RYR2: variants seen among roughly 807,000 people sequenced by gnomAD.
RYR2 encodes the protein cardiac muscle ryanodine receptor-calcium release channel.
In RYR2, 227 loss-of-function variants were observed where a neutral mutation model predicts 601.1. The ratio of observed to expected loss-of-function variants is 0.38; its 90% CI spans 0.34 to 0.42. The LOEUF (loss-of-function observed/expected upper bound fraction) is 0.42, where lower values mean the gene tolerates loss of function less well. RYR2 is among the 10% of genes least tolerant of loss of function. The pLI, the probability that RYR2 is intolerant of heterozygous loss-of-function variation, is 1.00. For missense variants in RYR2, 4,646 were observed against 6,156.5 expected (o/e 0.75, Z 8.21); for synonymous variants, 2,223 against 2,175.1 (o/e 1.02, Z -0.61).
At chr1:237,058,416 TG>T (rs1281810772) in intron 1 of RYR2, among the ~76,000 whole-genome samples, 2 of 152,154 alleles carry the variant, frequency 1.3e-5, no homozygotes, top group African/African-American at 4.8e-5. Flanking sequence ...ACATATAATT[TG>T]TTGCTTGCAA....
intron 23 of RYR2, among the ~76,000 whole-genome samples, chr1:237,508,755 TTTTTTGA>T: frequency 7.1e-6 from 1 of 140,112 alleles, no homozygotes; most frequent in African/African-American, 2.7e-5. Flanking sequence ...TTTTTTTTTT[TTTTTTGA>T]GACGGAGTCT....
intron 17 of RYR2, among the ~76,000 whole-genome samples, chr1:237,475,151 T>A (rs1661261209): frequency 6.6e-6 from 1 of 152,226 alleles, no homozygotes; most frequent in Non-Finnish European, 1.5e-5. Context: ...ATGAAGGGAC[T>A]AAGGCTCAGA....
rs1668723037 is a variant in RYR2, at chr1:237,106,733, T to C, written c.48+64164T>C. Among the ~76,000 whole-genome samples the C allele has an allele frequency of 6.6e-6, 1 of 152,204 alleles. No individual in the cohort carries two copies. The highest frequency in any genetic ancestry group is 2.1e-4 in the South Asian group (1 of 4,836). ...AACAAAATGCCATGGACTGGGAGGC[T>C]TAGAAACCACAGAAATTATTCCTCA... is the stretch of plus-strand genomic sequence containing the variant. On this transcript the variant is annotated intron_variant, in intron 1 of 104. Coordinates refer to ENST00000366574, the MANE Select transcript of RYR2 (RefSeq NM_001035.3). This position sits in a 1 kb window ranked among gnomAD's most constrained non-coding sequence, Gnocchi z 4.4.
chr1:237,477,715 GTGTGGGTC>G (rs1454255127), intron 17 of RYR2, among the ~76,000 whole-genome samples: 1 of 152,196 alleles, frequency 6.6e-6, no homozygotes, highest in African/African-American at 2.4e-5. Context: ...TAAAGCCTCT[GTGTGGGTC>G]TGAGTTCAGA....
chr1:237,302,337 A>G (rs900943395), intron 2 of RYR2, among the ~76,000 whole-genome samples: 35 of 152,336 alleles, frequency 2.3e-4, no homozygotes, highest in African/African-American at 7.7e-4. Flanking sequence ...TAGGAAACAT[A>G]CGAGTGCGAC....
At chr1:237,781,507 G>A (rs938001289) in intron 88 of RYR2, 58 bp from the exon 89 acceptor site, 19 of 826,888 alleles carry the variant, frequency 2.3e-5, no homozygotes, top group Non-Finnish European at 3.9e-5. Flanking sequence ...GAATAAGTAT[G>A]ATGTTCCTGC....
chr1:237,744,389 C>G (rs1691883648), intron 80 of RYR2, among the ~76,000 whole-genome samples: 1 of 150,002 alleles, frequency 6.7e-6, no homozygotes, highest in African/African-American at 2.4e-5. Context: ...GGTGCAGAGG[C>G]TTACGCTTGT....
chr1:237,285,713 G>T (rs138047354), intron 2 of RYR2, among the ~76,000 whole-genome samples: 1 of 152,062 alleles, frequency 6.6e-6, no homozygotes, highest in Non-Finnish European at 1.5e-5. Flanking sequence ...GCTTGTTATT[G>T]GTCTGTTCAG....
At chr1:237,570,479 C>T (rs1221717822) in intron 29 of RYR2, among the ~76,000 whole-genome samples, 2 of 151,694 alleles carry the variant, frequency 1.3e-5, no homozygotes, top group Admixed American at 1.3e-4. Context: ...GCTGGGATTA[C>T]AGGTGCTTAC....
intron 1 of RYR2, among the ~76,000 whole-genome samples, chr1:237,134,319 TAATC>T (rs1442450688): frequency 1.3e-5 from 2 of 152,178 alleles, no homozygotes; most frequent in African/African-American, 4.8e-5. Flanking sequence ...TTCATGCTGT[TAATC>T]AAGACATACC....
At chr1:237,221,800 T>C (rs2149141201) in intron 1 of RYR2, among the ~76,000 whole-genome samples, 1 of 152,278 alleles carries the variant, frequency 6.6e-6, no homozygotes, top group East Asian at 1.9e-4. Flanking sequence ...TCAACACAGA[T>C]TTCTTTTCCA....
intron 1 of RYR2, among the ~76,000 whole-genome samples, chr1:237,232,566 TC>T (rs1685112167): frequency 6.6e-6 from 1 of 152,162 alleles, no homozygotes; most frequent in East Asian, 1.9e-4. Context: ...TCTCTGAGTT[TC>T]GTGAGCCACT....
intron 97 of RYR2, among the ~76,000 whole-genome samples, chr1:237,800,665 C>G (rs1659853147): frequency 6.6e-6 from 1 of 152,062 alleles, no homozygotes; most frequent in African/African-American, 2.4e-5. Flanking sequence ...TTACTTAGAG[C>G]TGGAATATTG....
rs181038717 is a variant in RYR2, at chr1:237,274,720, G to T, written c.168+4104G>T. On this transcript the variant is annotated intron_variant, in intron 2 of 104. Transcript: ENST00000366574. Reference sequence around the variant, plus strand: ...TGACTCACCAGAGTAACTTCCGGTCGTGCAAGCTCCATTTATTGTAAGGTG... The same window carrying T: ...TGACTCACCAGAGTAACTTCCGGTCTTGCAAGCTCCATTTATTGTAAGGTG... 2.6e-3 allele frequency among the ~76,000 whole-genome samples: 398 copies of T among 152,226 alleles called. 1 individual carries two copies. Among genetic ancestry groups the T allele is most frequent in the African/African-American group, 9.4e-3 (390 of 41,530 alleles).
intron 10 of RYR2, among the ~76,000 whole-genome samples, chr1:237,410,407 C>T (rs977864061): frequency 2.6e-5 from 4 of 152,050 alleles, no homozygotes; most frequent in African/African-American, 9.7e-5. Context: ...ATGAAAGACC[C>T]TAGACCCTGG....
chr1:237,824,500 A>G (rs182504466), intron 101 of RYR2, among the ~76,000 whole-genome samples: 1 of 152,204 alleles, frequency 6.6e-6, no homozygotes, highest in African/African-American at 2.4e-5. Context: ...AAAACTCTCA[A>G]TAAACCTAGG....
intron 25 of RYR2, among the ~76,000 whole-genome samples, chr1:237,546,346 T>G (rs1669800031): frequency 6.6e-6 from 1 of 152,130 alleles, no homozygotes; most frequent in Non-Finnish European, 1.5e-5. Flanking sequence ...AAAAATTACT[T>G]TTTTGTGTCT....
chr1:237,393,232 A>G (rs952491398), intron 10 of RYR2, among the ~76,000 whole-genome samples: 43 of 152,320 alleles, frequency 2.8e-4, no homozygotes, highest in African/African-American at 8.9e-4. Context: ...ATGCAGGCCA[A>G]TTAAGTCATA....
chr1:237,429,517 A>C (rs1271754156), intron 12 of RYR2, among the ~76,000 whole-genome samples: 1 of 149,358 alleles, frequency 6.7e-6, no homozygotes, highest in East Asian at 2.0e-4. Context: ...GTGTCACCCC[A>C]CCCCTCCACA....
Sources: allele counts gnomAD v4.1 joint callset (sites outside exome capture counted in the v4.1 genomes callset), GRCh38; gene constraint gnomAD v4.1.1; non-coding constraint Gnocchi (gnomAD v3.1); transcripts MANE v1.5; gene names NCBI Gene and HGNC (gene_info 2026-07-23, HGNC 2026-07-21).